NLRP2: variants seen among roughly 807,000 people sequenced by gnomAD.
The protein encoded by NLRP2 is NACHT, LRR and PYD domains-containing protein 2.
In NLRP2, 107 loss-of-function variants were observed where a neutral mutation model predicts 97.2. The observed-to-expected ratio is 1.10, with a 90% CI of 0.94 to 1.29. The LOEUF (loss-of-function observed/expected upper bound fraction) is 1.29, where lower values mean the gene tolerates loss of function less well. Ranked by LOEUF, NLRP2 falls within the 50% of genes most tolerant of loss-of-function variation. NLRP2 has a pLI of 0.00. For missense variants in NLRP2, 1,495 were observed against 1,330.3 expected, an observed-to-expected ratio of 1.12 and a Z score of -1.93; for synonymous variants, 663 against 551.5, an observed-to-expected ratio of 1.20 and a Z score of -2.83.
rs558929398 is a variant in NLRP2, at chr19:54,983,607, G to A, written c.1909G>A (p.Val637Ile). The change falls in exon 6 of 13, where the codon GTT (valine) becomes ATT (isoleucine). Residue 637 changes from valine (V) to isoleucine (I), a missense_variant. Physicochemically the swap from Val to Ile is conservative, Grantham distance 29 (BLOSUM62 3). Transcript: ENST00000448584. ...ATCCCTGCACTTAAATGCAGTAGAC[G>A]TTGTGCCATCTTCATTCTGCGTCAA... ...EISLHLNAVDVVPSSFCVKHC... is the reference protein window; with the variant it reads ...EISLHLNAVDIVPSSFCVKHC... 7 of 1,614,152 alleles carry A rather than the reference G, an allele frequency of 4.3e-6. No homozygotes were observed. Among genetic ancestry groups the A allele is most frequent in the African/African-American group, 1.3e-5 (1 of 75,044 alleles).
chr19:54,971,577 G>C (rs931967932), intron 2 of NLRP2, among the ~76,000 whole-genome samples: 2 of 151,404 alleles, frequency 1.3e-5, no homozygotes, highest in Non-Finnish European at 2.9e-5. Flanking sequence ...GGCCAGTGAT[G>C]ATGAGCATTT....
At chr19:54,994,665 C>T (rs2072707752) in intron 11 of NLRP2, among the ~76,000 whole-genome samples, 1 of 151,522 alleles carries the variant, frequency 6.6e-6, no homozygotes, top group South Asian at 2.1e-4. Context: ...GGCTGGAGTG[C>T]AGTGGCGTGA....
chr19:54,999,983 C>T lies in NLRP2; in HGVS notation c.3051-777C>T, dbSNP rs540454583. 8.5e-4 allele frequency among the ~76,000 whole-genome samples: 129 copies of T among 152,144 alleles called. 1 individual carries two copies. Among genetic ancestry groups the T allele is most frequent in the African/African-American group, 2.9e-3 (121 of 41,494 alleles). On this transcript the variant is annotated intron_variant, in intron 12 of 12. Coordinates refer to ENST00000448584, the MANE Select transcript of NLRP2 (RefSeq NM_017852.5). ...AACTCCTGACCTCAAGTGATCTGCC[C>T]ACCTCACTCTCCCAAAGTGCTGGCA... is the stretch of plus-strand genomic sequence containing the variant.
intron 10 of NLRP2, chr19:54,994,057 C>T (rs566410185): frequency 1.5e-4 from 98 of 644,406 alleles, no homozygotes; most frequent in African/African-American, 1.4e-3. Flanking sequence ...GTCACCTCTA[C>T]GAGGTCCCTT....
intron 4 of NLRP2, among the ~76,000 whole-genome samples, chr19:54,979,924 G>A (rs1200058540): frequency 6.6e-6 from 1 of 151,860 alleles, no homozygotes; most frequent in Non-Finnish European, 1.5e-5. Context: ...GTACAGGTGT[G>A]TGCCACCACG....
chr19:54,970,486 C>T (rs2070774992), intron 2 of NLRP2, among the ~76,000 whole-genome samples, 191 bp downstream of exon 2: 2 of 152,026 alleles, frequency 1.3e-5, no homozygotes, highest in South Asian at 2.1e-4. Flanking sequence ...GAAACAGCAT[C>T]TCTACTAAAA....
chr19:54,983,628 G>A lies in NLRP2; in HGVS notation c.1930G>A (p.Val644Ile), dbSNP rs555672988. Residue 644 changes from valine (V) to isoleucine (I), a missense_variant, in exon 6 of 13, where the codon GTC becomes ATC. By Grantham distance (29) the Val-to-Ile change is conservative. Transcript: ENST00000448584. ...AGACGTTGTGCCATCTTCATTCTGC[G>A]TCAAGCACTGTCGAAACCTGCAGAA... The part of the protein sequence containing the change: ...AVDVVPSSFC[V>I]KHCRNLQKMS... 1.4e-5 allele frequency: 23 copies of A among 1,614,114 alleles called. No individual in the cohort carries two copies. The highest frequency in any genetic ancestry group is 3.3e-5 in the South Asian group (3 of 91,068).
In NLRP2 at chr19:54,982,940, G is replaced by T. The variant is rs746099147; in HGVS notation, c.1242G>T (p.Lys414Asn). ...VCTTLKLQMEKGEDPVPTCLT... is the reference protein window; with the variant it reads ...VCTTLKLQMENGEDPVPTCLT... ...CGACTCTGAAGCTGCAGATGGAGAAGGGGGAGGACCCGGTCCCCACCTGCC... is the reference window on the plus strand; with the variant it reads ...CGACTCTGAAGCTGCAGATGGAGAATGGGGAGGACCCGGTCCCCACCTGCC... Residue 414 changes from lysine (K) to asparagine (N), a missense_variant, in exon 6 of 13, where the codon AAG becomes AAT. Physicochemically the swap from Lys to Asn is moderately conservative, Grantham distance 94. Transcript: ENST00000448584. The T allele has an allele frequency of 1.4e-5, 22 of 1,612,486 alleles. No individual in the cohort carries two copies. The highest frequency in any genetic ancestry group is 2.2e-5 in the East Asian group (1 of 44,866).
At chr19:54,978,058 G>T (rs546015909) in intron 4 of NLRP2, among the ~76,000 whole-genome samples, 123 of 151,950 alleles carry the variant, frequency 8.1e-4, no homozygotes, top group African/African-American at 2.8e-3. Context: ...AGCGCAGAGA[G>T]TTTTTGTTTT....
intron 2 of NLRP2, among the ~76,000 whole-genome samples, chr19:54,971,392 C>A (rs570165958): frequency 6.6e-6 from 1 of 152,098 alleles, no homozygotes; most frequent in Non-Finnish European, 1.5e-5. Flanking sequence ...CTGAGGAATC[C>A]CCACACCGAC....
chr19:54,986,022 A>C (rs900792328), intron 7 of NLRP2, 129 bp from the exon 8 acceptor site: 18 of 738,888 alleles, frequency 2.4e-5, no homozygotes, highest in Admixed American at 2.0e-4. Context: ...AAAATCTGTA[A>C]AGATGGACAA....
At chr19:54,975,631 T>C (rs1267776031) in intron 3 of NLRP2, among the ~76,000 whole-genome samples, 1 of 151,354 alleles carries the variant, frequency 6.6e-6, no homozygotes, top group Non-Finnish European at 1.5e-5. Context: ...TTTTTGTGTT[T>C]TTAGTAGAGA....
At chr19:54,971,673 G>A (rs1021237789) in intron 2 of NLRP2, among the ~76,000 whole-genome samples, 1 of 151,770 alleles carries the variant, frequency 6.6e-6, no homozygotes, top group Non-Finnish European at 1.5e-5. Context: ...GGGGTTGTTT[G>A]TTTTTTTCTT....
At chr19:54,976,160 T>G (rs2146381112) in intron 3 of NLRP2, among the ~76,000 whole-genome samples, 1 of 152,126 alleles carries the variant, frequency 6.6e-6, no homozygotes. Context: ...GTTCAAGTGA[T>G]TCTCTTGCCT....
chr19:54,973,182 C>A (rs550180191), intron 2 of NLRP2, among the ~76,000 whole-genome samples: 1 of 150,196 alleles, frequency 6.7e-6, no homozygotes, highest in Non-Finnish European at 1.5e-5. Flanking sequence ...CAGCAAGACT[C>A]CATCTCAAAA....
Position 54,982,817 on chromosome 19 carries a change from AGACGAG to A in NLRP2, c.1123_1128del (p.Glu375_Asp376del). On this transcript the variant is annotated inframe_deletion, in exon 6 of 13. Transcript: ENST00000448584. ...GGGCCTATTTCCTGAGACACTTTGG[AGACGAG>A]GACCAAGCCATGCGTGCCTTTGAGC... 1 of 1,613,804 alleles carries A rather than the reference AGACGAG, an allele frequency of 6.2e-7. No individual in the cohort carries two copies. The highest frequency in any genetic ancestry group is 2.2e-5 in the East Asian group (1 of 44,870).
At chr19:54,969,670 A>G (rs745510728) in intron 1 of NLRP2, among the ~76,000 whole-genome samples, 1 of 152,086 alleles carries the variant, frequency 6.6e-6, no homozygotes, top group Non-Finnish European at 1.5e-5. Flanking sequence ...AGTAAATAAA[A>G]GTAAAATGAG....
At chr19:54,981,509 G>GGCCCCCCCCCCCCCCCCCCC in intron 4 of NLRP2, 108 bp from the exon 5 acceptor site, 1 of 386,502 alleles carries the variant, frequency 2.6e-6, no homozygotes, top group Non-Finnish European at 5.3e-6. Flanking sequence ...CTGATCCCGT[G>GGCCCCCCCCCCCCCCCCCCC]CCCCCCCTCC....
At chr19:54,972,216 CTG>C (rs1412680168) in intron 2 of NLRP2, among the ~76,000 whole-genome samples, 3 of 152,000 alleles carry the variant, frequency 2.0e-5, no homozygotes, top group Non-Finnish European at 4.4e-5. Context: ...AAGTCTCACT[CTG>C]TCACCCAGGA....
Sources: allele counts gnomAD v4.1 joint callset (sites outside exome capture counted in the v4.1 genomes callset), GRCh38; gene constraint gnomAD v4.1.1; transcripts MANE v1.5; gene names NCBI Gene and HGNC (gene_info 2026-07-23, HGNC 2026-07-21).